Variants in DMD observed in about 807,000 individuals in gnomAD.
DMD encodes the protein mutant dystrophin.
Under a neutral mutation model 330.1 loss-of-function variants are expected in DMD, and 63 were observed. That is an observed-to-expected ratio of 0.19 (90% confidence interval 0.16 to 0.24). The LOEUF is 0.24. Ranked by LOEUF, DMD falls within the 10% of genes least tolerant of loss-of-function variation. The pLI is 1.00. For synonymous variants in DMD, 1,223 were observed against 959.8 expected (o/e 1.27, Z -5.07); for missense variants, 3,344 against 2,684.1 (o/e 1.25, Z -5.43).
rs184753787 is a variant in DMD at position 32,659,054 on chromosome X, A to C, written c.961-13902T>G. On this transcript the variant is annotated intron_variant, in intron 9 of 78. Transcript: ENST00000357033. ...ATTCAACTTTTATAAAATCACTTTC[A>C]CTGCCTCATTGTTTTTATTTAGTGC... Among the ~76,000 whole-genome samples, 36 of 111,959 alleles carry C rather than the reference A, an allele frequency of 3.2e-4. No homozygotes were observed. The Admixed American group carries it at 3.4e-3, about 11-fold the overall frequency.
At chrX:33,063,030 C>A in intron 1 of DMD, among the ~76,000 whole-genome samples, 1 of 111,909 alleles carries the variant, frequency 8.9e-6, no homozygotes, top group South Asian at 3.7e-4. Context: ...ACATGGAGTT[C>A]TTCTAACTTT....
chrX:32,392,311 C>T (rs759336304), intron 30 of DMD, among the ~76,000 whole-genome samples: 10 of 111,503 alleles, frequency 9.0e-5, no homozygotes, highest in Non-Finnish European at 1.9e-4. Context: ...CAGGCTGGAA[C>T]GCAATAGCAC....
chrX:31,591,081 C>T (rs976345652), intron 55 of DMD, among the ~76,000 whole-genome samples: 1 of 111,762 alleles, frequency 8.9e-6, no homozygotes, highest in African/African-American at 3.2e-5. Flanking sequence ...ATTTTAAATA[C>T]TTAACGGAAA....
chrX:32,709,213 A>T (rs1023567647), intron 7 of DMD, among the ~76,000 whole-genome samples: 1 of 111,933 alleles, frequency 8.9e-6, no homozygotes, highest in Non-Finnish European at 1.9e-5. Flanking sequence ...CAATGTGAAA[A>T]AAATGCAATT....
At chrX:32,814,434 G>C (rs960287837) in intron 6 of DMD, among the ~76,000 whole-genome samples, 13 of 112,256 alleles carry the variant, frequency 1.2e-4, no homozygotes, top group Non-Finnish European at 3.8e-5. Context: ...TTATTGAAAT[G>C]AGGGCACCTC....
chrX:32,268,873 C>T (rs2097354578), intron 43 of DMD, among the ~76,000 whole-genome samples: 1 of 110,309 alleles, frequency 9.1e-6, no homozygotes, highest in African/African-American at 3.3e-5. Context: ...CAGTAGATAG[C>T]TAGTCAGATA....
At chrX:31,126,994 T>C (rs1382641374) in intron 77 of DMD, among the ~76,000 whole-genome samples, 1 of 111,301 alleles carries the variant, frequency 9.0e-6, no homozygotes. Context: ...AAATTGGGCA[T>C]TGTTTTCAAG....
chrX:32,837,900 C>G (rs1189687183), intron 4 of DMD, among the ~76,000 whole-genome samples: 1 of 111,772 alleles, frequency 8.9e-6, no homozygotes, highest in Non-Finnish European at 1.9e-5. Context: ...GTTAATGTAA[C>G]TGAAATTTTT....
At chrX:31,193,504 T>C (rs1602562284) in intron 67 of DMD, among the ~76,000 whole-genome samples, 1 of 112,081 alleles carries the variant, frequency 8.9e-6, no homozygotes, top group South Asian at 3.7e-4. Flanking sequence ...ATGGTAGAAT[T>C]AGAAAGCCAC....
chrX:32,959,047 A>T (rs1014633494), intron 2 of DMD, among the ~76,000 whole-genome samples: 1 of 112,087 alleles, frequency 8.9e-6, no homozygotes, highest in Non-Finnish European at 1.9e-5. Context: ...AAGTTATTAC[A>T]AATATGTTCA....
intron 30 of DMD, 89 bp from the exon 31 acceptor site, chrX:32,390,270 C>A (rs763725178): frequency 1.5e-6 from 1 of 661,110 alleles, no homozygotes; most frequent in South Asian, 2.3e-5. Context: ...TCTCCTCAAC[C>A]ACCTCTACCA....
intron 67 of DMD, among the ~76,000 whole-genome samples, chrX:31,190,611 GA>G (rs1602530821): frequency 0.022 from 225 of 10,089 alleles, 8 homozygotes; most frequent in South Asian, 0.038. Context: ...GGGGGGGGGG[GA>G]GGGGGAGGGC....
chrX:32,861,521 T>A (rs1039107097), intron 2 of DMD, among the ~76,000 whole-genome samples: 3 of 111,595 alleles, frequency 2.7e-5, no homozygotes, highest in African/African-American at 9.8e-5. Context: ...GGACTGTTTA[T>A]AAAAATGAGG....
intron 25 of DMD, among the ~76,000 whole-genome samples, chrX:32,463,025 T>G (rs1324547259): frequency 2.7e-5 from 3 of 111,750 alleles, no homozygotes; most frequent in African/African-American, 9.7e-5. Flanking sequence ...TAATCGAAAG[T>G]TATAATTATT....
At chrX:31,709,236 A>G (rs1479847180) in intron 52 of DMD, among the ~76,000 whole-genome samples, 3 of 111,533 alleles carry the variant, frequency 2.7e-5, no homozygotes, top group Admixed American at 9.5e-5. Context: ...GAGCCACTAC[A>G]CTCTAGCCTG....
intron 51 of DMD, among the ~76,000 whole-genome samples, chrX:31,763,069 C>T (rs1199365813): frequency 3.6e-5 from 4 of 112,491 alleles, no homozygotes; most frequent in Non-Finnish European, 7.5e-5. Flanking sequence ...ACATCTTTAG[C>T]GGCTATGTCA....
At chrX:31,267,925 C>A (rs181647820) in intron 62 of DMD, among the ~76,000 whole-genome samples, 11 of 112,738 alleles carry the variant, frequency 9.8e-5, no homozygotes, top group Non-Finnish European at 2.1e-4. Flanking sequence ...GTGATATTTT[C>A]ACTGCCCTTC....
intron 52 of DMD, among the ~76,000 whole-genome samples, chrX:31,680,377 CT>C (rs1188303470): frequency 2.3e-3 from 238 of 103,101 alleles, no homozygotes; most frequent in Middle Eastern, 4.9e-3. Flanking sequence ...CTTTTTCTTT[CT>C]TTTTTTTTTT....
chrX:33,162,851 A>G (rs1327537428), intron 1 of DMD, among the ~76,000 whole-genome samples: 1 of 110,305 alleles, frequency 9.1e-6, no homozygotes, highest in Non-Finnish European at 1.9e-5. Flanking sequence ...ATATCATGTG[A>G]TTGTGCTCCA....
Sources: allele counts gnomAD v4.1 joint callset (sites outside exome capture counted in the v4.1 genomes callset), GRCh38; gene constraint gnomAD v4.1.1; transcripts MANE v1.5; gene names NCBI Gene and HGNC (gene_info 2026-07-23, HGNC 2026-07-21).